Variants in GMEB2 observed in about 807,000 individuals in gnomAD.
The protein encoded by GMEB2 is glucocorticoid modulatory element-binding protein 2.
Under a neutral mutation model 45.7 loss-of-function variants are expected in GMEB2, and 7 were observed. The ratio of observed to expected loss-of-function variants is 0.15; its 90% CI spans 0.09 to 0.29. GMEB2 has a LOEUF of 0.29. GMEB2 is among the 10% of genes least tolerant of loss of function. The pLI is 1.00. For synonymous variants in GMEB2, 322 were observed against 323.6 expected (o/e 1.00, Z 0.05); for missense variants, 582 against 739.2 (o/e 0.79, Z 2.47).
At position 63,595,629 on chromosome 20, in the gene GMEB2, G is replaced by A. The variant is rs777672688; in HGVS notation, c.600C>T (p.Leu200=). The A allele has an allele frequency of 1.9e-6, 3 of 1,611,368 alleles. No homozygotes were observed. Among genetic ancestry groups the A allele is most frequent in the Non-Finnish European group, 2.5e-6 (3 of 1,179,102 alleles). The stretch of plus-strand genomic sequence containing the variant: ...ACCTACCGTCGGCTGCGGCGGGCGT[G>A]AGGGGAATGTACTCGGCCGACGTGG... The part of the protein sequence containing the change: ...SSPTSAEYIP[L]TPAAADVNGS... The change falls in exon 6 of 10, where the codon CTC becomes CTT. Residue 200 remains leucine (L), a synonymous_variant. Coordinates refer to ENST00000370077, the MANE Select transcript of GMEB2 (RefSeq NM_012384.5).
rs529233432 is a variant in GMEB2 at position 63,605,229 on chromosome 20, ACT to A, written c.132-391_132-390del. Among the ~76,000 whole-genome samples the A allele has an allele frequency of 7.6e-4, 110 of 143,940 alleles. 1 individual carries two copies. The East Asian group carries it at 0.014, about 18-fold the overall frequency. 94.4% of individuals were successfully genotyped at this position (143,940 alleles called of 152,430 possible). On this transcript the variant is annotated intron_variant, in intron 2 of 9. Coordinates refer to ENST00000370077, the MANE Select transcript of GMEB2 (RefSeq NM_012384.5). ...ACTCCAGCCTGGGTGAGAGAGCGAG[ACT>A]CTGTCTCAAAAAACAAAAAGGCCAG...
chr20:63,604,924 GCTGAC>G, intron 2 of GMEB2, 84 bp from the exon 3 acceptor site: 4 of 810,098 alleles, frequency 4.9e-6, no homozygotes, highest in Non-Finnish European at 6.6e-6. Flanking sequence ...ACAGCGCTTT[GCTGAC>G]CTGTTACACT....
chr20:63,617,817 C>G (rs1289708793), intron 2 of GMEB2, among the ~76,000 whole-genome samples: 1 of 151,590 alleles, frequency 6.6e-6, no homozygotes, highest in African/African-American at 2.4e-5. Context: ...CTGGGCCTAC[C>G]CCGAGGCTGC....
chr20:63,593,486 G>A lies in GMEB2; in HGVS notation c.620-404C>T, dbSNP rs1486161959. 6.6e-6 allele frequency among the ~76,000 whole-genome samples: 1 copy of A among 151,538 alleles called. No individual in the cohort carries two copies. The highest frequency in any genetic ancestry group is 1.5e-5 in the Non-Finnish European group (1 of 67,982). Reference sequence around the variant, plus strand: ...AGCTCTGCGGCTGCGTCTGTCGCCCGTGGGGCTCGCCCTCACCTCGCCTCT... The same window carrying A: ...AGCTCTGCGGCTGCGTCTGTCGCCCATGGGGCTCGCCCTCACCTCGCCTCT... On this transcript the variant is annotated intron_variant, in intron 6 of 9. Coordinates refer to ENST00000370077, the MANE Select transcript of GMEB2 (RefSeq NM_012384.5). The surrounding 1 kb of genome is among the most constrained non-coding windows in gnomAD (Gnocchi z 4.7).
intron 1 of GMEB2, among the ~76,000 whole-genome samples, chr20:63,626,746 G>A (rs2089677251): frequency 6.8e-6 from 1 of 147,634 alleles, no homozygotes; most frequent in South Asian, 2.1e-4. Context: ...AGGAAGCGCC[G>A]CCGCCCGCGC....
In GMEB2 at chr20:63,590,423, G is replaced by A; in HGVS notation, c.1259C>T (p.Ala420Val). Residue 420 changes from alanine (A) to valine (V), a missense_variant, in exon 10 of 10, where the codon GCC becomes GTC. By Grantham distance (64) the Ala-to-Val change is moderately conservative. Around this residue, in one of 3 missense-constraint regions of GMEB2, gnomAD observed 462 missense variants for 586.7 expected, o/e 0.79. Transcript: ENST00000370077. ...LGKGSLQAPP[A>V]SSPASPLLGG... is the part of the protein sequence containing the mutation. The stretch of plus-strand genomic sequence containing the variant: ...GAGCAGCGGGGAGGCCGGGGAGCTG[G>A]CGGGGGGCGCCTGAAGGGAACCCTT... 6.4e-7 allele frequency: 1 copy of A among 1,557,834 alleles called. No homozygotes were observed. The highest frequency in any genetic ancestry group is 8.7e-7 in the Non-Finnish European group (1 of 1,146,458).
chr20:63,597,952 G>T (rs918251215), intron 4 of GMEB2, 92 bp from the exon 5 acceptor site: 2 of 776,556 alleles, frequency 2.6e-6, no homozygotes, highest in East Asian at 5.0e-5. Context: ...AGGCGCGCAA[G>T]GCAGGAAAAG....
At chr20:63,601,438 C>A (rs1229723114) in intron 4 of GMEB2, among the ~76,000 whole-genome samples, 2 of 152,186 alleles carry the variant, frequency 1.3e-5, no homozygotes, top group African/African-American at 4.8e-5. Flanking sequence ...TCAGCTATGG[C>A]TAATCTGCTG....
intron 4 of GMEB2, among the ~76,000 whole-genome samples, chr20:63,600,363 A>G (rs1438569867): frequency 6.6e-6 from 1 of 151,126 alleles, no homozygotes; most frequent in East Asian, 2.0e-4. Context: ...TTTCTGATGC[A>G]GGATCCAGCC....
At chr20:63,613,442 C>T (rs945157064) in intron 2 of GMEB2, among the ~76,000 whole-genome samples, 1 of 152,224 alleles carries the variant, frequency 6.6e-6, no homozygotes. Context: ...CGGCAAGACA[C>T]CCACAGAGGA....
At chr20:63,614,602 C>T (rs866270915) in intron 2 of GMEB2, among the ~76,000 whole-genome samples, 34 of 152,318 alleles carry the variant, frequency 2.2e-4, no homozygotes, top group Non-Finnish European at 4.1e-4. Flanking sequence ...CAGGCCCGCC[C>T]GCAGTTATCC....
intron 1 of GMEB2, among the ~76,000 whole-genome samples, chr20:63,625,957 C>G (rs1396371226): frequency 6.6e-6 from 1 of 152,248 alleles, no homozygotes; most frequent in Admixed American, 6.5e-5. Context: ...GTAATTGAAA[C>G]TGTTGTATTT....
At chr20:63,600,023 T>C (rs1487932645) in intron 4 of GMEB2, among the ~76,000 whole-genome samples, 1 of 152,114 alleles carries the variant, frequency 6.6e-6, no homozygotes, top group African/African-American at 2.4e-5. Context: ...ATTGTTCCAA[T>C]GATAGCCTTT....
chr20:63,606,918 G>A (rs1053730867), intron 2 of GMEB2, among the ~76,000 whole-genome samples: 8 of 152,190 alleles, frequency 5.3e-5, no homozygotes, highest in South Asian at 2.1e-4. Flanking sequence ...GTTACCACGC[G>A]TACGGGAGAG....
Position 63,619,192 on chromosome 20 carries a change from GT to G in GMEB2, c.131+74del, listed in dbSNP as rs1372195280. ...AATCCTGACACTTGTCCCTTACTAC[GT>G]TAATGCCAGCTGTGCCAAGGACAGC... On this transcript the variant is annotated intron_variant, in intron 2 of 9. Coordinates refer to ENST00000370077, the MANE Select transcript of GMEB2 (RefSeq NM_012384.5). This position sits in a 1 kb window ranked among gnomAD's most constrained non-coding sequence, Gnocchi z 4.6. The G allele has an allele frequency of 1.0e-5, 14 of 1,396,768 alleles. No homozygotes were observed. Among genetic ancestry groups the G allele is most frequent in the Non-Finnish European group, 1.3e-5 (14 of 1,047,462 alleles). 86.5% of individuals were successfully genotyped at this position (1,396,768 alleles called of 1,614,324 possible). A position where few individuals can be genotyped will look rare whatever the true frequency, so the allele number is the denominator to read the frequency against.
intron 2 of GMEB2, among the ~76,000 whole-genome samples, chr20:63,618,173 A>G (rs2089622635): frequency 6.6e-6 from 1 of 152,222 alleles, no homozygotes; most frequent in African/African-American, 2.4e-5. Flanking sequence ...GAAGCTGTGC[A>G]CCAAGGTGCT....
intron 2 of GMEB2, among the ~76,000 whole-genome samples, chr20:63,607,294 CCT>C: frequency 7.3e-6 from 1 of 137,502 alleles, no homozygotes; most frequent in African/African-American, 2.8e-5. Context: ...GAAACATGCC[CCT>C]CTGACCCACA....
At chr20:63,612,005 G>A (rs1486529627) in intron 2 of GMEB2, among the ~76,000 whole-genome samples, 3 of 152,158 alleles carry the variant, frequency 2.0e-5, no homozygotes, top group Admixed American at 6.5e-5. Context: ...GCCATGAGCC[G>A]TGACTGTGCC....
At position 63,619,119 on chromosome 20, in the gene GMEB2, A is replaced by T; in HGVS notation, c.131+148T>A. The T allele has an allele frequency of 1.4e-6, 1 of 727,170 alleles. No homozygotes were observed. The highest frequency in any genetic ancestry group is 2.1e-6 in the Non-Finnish European group (1 of 479,166). 45.0% of individuals were successfully genotyped at this position (727,170 alleles called of 1,614,324 possible). Reference sequence around the variant, plus strand: ...CCATTTCTGCTTTTCTTCGCTCTCTACTTACACACACATTTGAGTCCAGTC... The same window carrying T: ...CCATTTCTGCTTTTCTTCGCTCTCTTCTTACACACACATTTGAGTCCAGTC... On this transcript the variant is annotated intron_variant, in intron 2 of 9. Coordinates refer to ENST00000370077, the MANE Select transcript of GMEB2 (RefSeq NM_012384.5). The surrounding 1 kb of genome is among the most constrained non-coding windows in gnomAD (Gnocchi z 4.6).
Sources: gnomAD v4.1 joint callset for allele counts (sites outside exome capture counted in the v4.1 genomes callset) on GRCh38, gnomAD v4.1.1 for gene constraint, gnomAD v4.1.1 regional missense constraint, Gnocchi (gnomAD v3.1) non-coding constraint, MANE v1.5 for transcripts, NCBI Gene and HGNC (gene_info 2026-07-23, HGNC 2026-07-21) for gene names.